Variants in ERBB3 observed in about 807,000 individuals in gnomAD.
ERBB3 encodes erb-b2 receptor tyrosine kinase 3.
In ERBB3, 96 loss-of-function variants were observed where a neutral mutation model predicts 156.7. The observed-to-expected ratio is 0.61, with a 90% CI of 0.52 to 0.73. ERBB3 has a LOEUF of 0.73. Among genes scored for constraint, ERBB3 ranks in the 30% least tolerant of loss-of-function variants. The pLI is 0.00. For missense variants in ERBB3, 1,406 were observed against 1,709.4 expected, an observed-to-expected ratio of 0.82 and a Z score of 3.13; for synonymous variants, 567 against 632.0, an observed-to-expected ratio of 0.90 and a Z score of 1.54.
intron 3 of ERBB3, among the ~76,000 whole-genome samples, chr12:56,086,248 T>C (rs1484237886): frequency 6.6e-6 from 1 of 152,106 alleles, no homozygotes; most frequent in African/African-American, 2.4e-5. Context: ...TGGGCAGGGC[T>C]TGGGGGAGGG....
At chr12:56,094,299 G>T in intron 14 of ERBB3, 103 bp from the exon 15 acceptor site, 2 of 1,485,454 alleles carry the variant, frequency 1.3e-6, no homozygotes, top group East Asian at 4.5e-5. Flanking sequence ...ATAATGCTAG[G>T]GCCTGCAGAT....
chr12:56,097,906 C>G lies in ERBB3; in HGVS notation c.2582C>G (p.Pro861Arg), dbSNP rs2136820278. 6.2e-7 allele frequency: 1 copy of G among 1,613,724 alleles called. No individual in the cohort carries two copies. ...TTTGGTGTGGCTGACCTGCTGCCTCCTGATGATAAGCAGCTGCTATACAGT... is the reference window on the plus strand; with the variant it reads ...TTTGGTGTGGCTGACCTGCTGCCTCGTGATGATAAGCAGCTGCTATACAGT... ...ADFGVADLLP[P>R]DDKQLLYSEA... The change falls in exon 21 of 28, where the codon CCT becomes CGT. Residue 861 changes from proline to arginine, a missense_variant. Physicochemically the swap from Pro to Arg is moderately radical, Grantham distance 103 (BLOSUM62 -2). Around this residue, in one of 3 missense-constraint regions of ERBB3, gnomAD observed 979 missense variants for 1,219.6 expected, o/e 0.80. Transcript: ENST00000267101.
chr12:56,102,414 T>C lies in ERBB3; in HGVS notation c.*359T>C. 3.4e-6 allele frequency: 1 copy of C among 291,446 alleles called. No individual in the cohort carries two copies. The highest frequency in any genetic ancestry group is 5.3e-5 in the East Asian group (1 of 18,944). The allele number at this position is 291,446 out of a possible 1,614,324, so 18.1% of individuals were successfully genotyped here. A position where few individuals can be genotyped will look rare whatever the true frequency, so the allele number is the denominator to read the frequency against. On this transcript the variant is annotated 3_prime_UTR_variant, in exon 28 of 28. Coordinates refer to ENST00000267101, the MANE Select transcript of ERBB3 (RefSeq NM_001982.4). ...TGGAACTAGGCTCTTATGTGTGCCT[T>C]TGTTTCCCATCAGACTGTCAAGAAG...
Position 56,097,778 on chromosome 12 carries a change from C to T in ERBB3, c.2461-7C>T. On this transcript the variant is annotated splice_polypyrimidine_tract_variant and splice_region_variant and intron_variant, in intron 20 of 27. Coordinates refer to ENST00000267101, the MANE Select transcript of ERBB3 (RefSeq NM_001982.4). The stretch of plus-strand genomic sequence containing the variant: ...CTTAAGAATACTTTCTTCCCCTATA[C>T]CTACAGGGAATGTACTACCTTGAGG... 1 of 1,612,962 alleles carries T rather than the reference C, an allele frequency of 6.2e-7. No individual in the cohort carries two copies. Among genetic ancestry groups the T allele is most frequent in the Non-Finnish European group, 8.5e-7 (1 of 1,179,142 alleles).
At chr12:56,091,968 T>C (rs909157672) in intron 9 of ERBB3, among the ~76,000 whole-genome samples, 44 of 151,988 alleles carry the variant, frequency 2.9e-4, no homozygotes, top group African/African-American at 1.0e-3. Flanking sequence ...TCTCAGCCCT[T>C]TGGGAGCCAG....
Position 56,099,668 on chromosome 12 carries a change from A to G in ERBB3, c.2860A>G (p.Ile954Val). ...MVKCWMIDEN[I>V]RPTFKELANE... ...TCCAGGTTGGATGATTGATGAGAAC[A>G]TTCGCCCAACCTTTAAAGAACTAGC... The change falls in exon 24 of 28, where the codon ATT becomes GTT. Residue 954 changes from isoleucine to valine, a missense_variant. Coordinates refer to ENST00000267101, the MANE Select transcript of ERBB3 (RefSeq NM_001982.4). 1 of 1,614,126 alleles carries G rather than the reference A, an allele frequency of 6.2e-7. No homozygotes were observed. The highest frequency in any genetic ancestry group is 8.5e-7 in the Non-Finnish European group (1 of 1,180,000).
chr12:56,100,014 T>G lies in ERBB3; in HGVS notation c.3114T>G (p.Leu1038=). 1 of 1,614,224 alleles carries G rather than the reference T, an allele frequency of 6.2e-7. No homozygotes were observed. Among genetic ancestry groups the G allele is most frequent in the East Asian group, 2.2e-5 (1 of 44,888 alleles). ...CCCTCAGCCTACCAGTTGGAACACT[T>G]AATCGGCCACGTGGGGTAAGACAAC... The part of the protein sequence containing the change: ...GSALSLPVGT[L]NRPRGSQSLL... The change falls in exon 25 of 28, where the codon CTT becomes CTG. Residue 1038 remains leucine, a synonymous_variant. Coordinates refer to ENST00000267101, the MANE Select transcript of ERBB3 (RefSeq NM_001982.4).
rs761478277 is a variant in ERBB3 at position 56,094,499 on chromosome 12, A to G, written c.1802A>G (p.Tyr601Cys). The G allele has an allele frequency of 3.0e-5, 49 of 1,614,000 alleles. No individual in the cohort carries two copies. The highest frequency in any genetic ancestry group is 9.3e-5 in the African/African-American group (7 of 74,884). ...HGVLGAKGPI[Y>C]KYPDVQNECR... ...GTCCTAGGTGCCAAGGGCCCAATCT[A>G]CAAGTACCCAGATGTTCAGAATGAA... The change falls in exon 15 of 28, where the codon TAC becomes TGC. Residue 601 changes from tyrosine (Y) to cysteine (C), a missense_variant. Physicochemically the swap from Tyr to Cys is radical, Grantham distance 194. This residue lies in a region of ERBB3 where 979 missense variants were observed against 1,219.6 expected (regional missense o/e 0.80). Coordinates refer to ENST00000267101, the MANE Select transcript of ERBB3 (RefSeq NM_001982.4).
In ERBB3 at chr12:56,088,815, G is replaced by T; in HGVS notation, c.1056G>T (p.Val352=). The T allele has an allele frequency of 6.2e-7, 1 of 1,614,114 alleles. No individual in the cohort carries two copies. The highest frequency in any genetic ancestry group is 1.1e-5 in the South Asian group (1 of 91,058). ...TVDSSNIDGF[V]NCTKILGNLD... ...ACTCGAGCAACATTGATGGATTTGT[G>T]AACTGCACCAAGATCCTGGGCAACC... Residue 352 remains valine, a synonymous_variant, in exon 9 of 28, where the codon GTG becomes GTT. Transcript: ENST00000267101.
Position 56,087,786 on chromosome 12 carries a change from C to T in ERBB3, c.614-9C>T, listed in dbSNP as rs1184521790. 6.2e-6 allele frequency: 10 copies of T among 1,611,768 alleles called. No individual in the cohort carries two copies. Among genetic ancestry groups the T allele is most frequent in the Non-Finnish European group, 8.5e-6 (10 of 1,178,002 alleles). On this transcript the variant is annotated splice_polypyrimidine_tract_variant and intron_variant, in intron 5 of 27. Coordinates refer to ENST00000267101, the MANE Select transcript of ERBB3 (RefSeq NM_001982.4). ...AGCCCTAACAGCCATGCTTTCTCTC[C>T]TTCCATAGTGACCAAGACCATCTGT... is the stretch of plus-strand genomic sequence containing the variant.
At chr12:56,099,793 T>C (rs1869026080) in intron 24 of ERBB3, 45 bp from the exon 25 acceptor site, 11 of 1,611,958 alleles carry the variant, frequency 6.8e-6, no homozygotes, top group South Asian at 1.1e-5. Flanking sequence ...AAAGGAGGAG[T>C]TGGCTGGAAC....
At chr12:56,097,521 T>C (rs1271507399) in intron 20 of ERBB3, among the ~76,000 whole-genome samples, 1 of 152,176 alleles carries the variant, frequency 6.6e-6, no homozygotes, top group East Asian at 1.9e-4. Flanking sequence ...TTGACTTCTA[T>C]TGTGAACTGT....
chr12:56,085,761 CAAAAAAAAAAAAAA>C (rs57274370), intron 3 of ERBB3: 2 of 95,458 alleles, frequency 2.1e-5, no homozygotes, highest in Admixed American at 9.9e-5. Flanking sequence ...GACTCCGTCT[CAAAAAAAAAAAAAA>C]AAAAAAAAAA....
Position 56,095,665 on chromosome 12 carries a change from CA to C in ERBB3, c.1918del (p.Thr640ProfsTer3). On this transcript the variant is annotated frameshift_variant and splice_region_variant, in exon 17 of 28. Transcript: ENST00000267101. LOFTEE classifies it high-confidence loss of function. ...CLGQTLVLIGKTHLTMALTVI... is the reference protein window; with the variant it reads ...CLGQTLVLIGXTHLTMALTVI... ...TGTTGGGTTTCTATATATCCCATAG[CA>C]AAACCCATCTGACAATGGCTTTGAC... 6.2e-7 allele frequency: 1 copy of C among 1,614,112 alleles called. No homozygotes were observed. Among genetic ancestry groups the C allele is most frequent in the Non-Finnish European group, 8.5e-7 (1 of 1,179,978 alleles).
rs2136825421 is a variant in ERBB3 at position 56,099,853 on chromosome 12, G to A, written c.2953G>A (p.Gly985Arg). 6.2e-7 allele frequency: 1 copy of A among 1,614,158 alleles called. No individual in the cohort carries two copies. The highest frequency in any genetic ancestry group is 1.1e-5 in the South Asian group (1 of 91,082). ...YLVIKRESGP[G>R]IAPGPEPHGL... ...ATCGATATAGAGAGAGAGTGGGCCTGGAATAGCCCCTGGGCCAGAGCCCCA... is the reference window on the plus strand; with the variant it reads ...ATCGATATAGAGAGAGAGTGGGCCTAGAATAGCCCCTGGGCCAGAGCCCCA... The change falls in exon 25 of 28, where the codon GGA (glycine) becomes AGA (arginine). Residue 985 changes from glycine (G) to arginine (R), a missense_variant. By Grantham distance (125) the Gly-to-Arg change is moderately radical. Coordinates refer to ENST00000267101, the MANE Select transcript of ERBB3 (RefSeq NM_001982.4).
intron 23 of ERBB3, 30 bp downstream of exon 23, chr12:56,098,935 CTCTT>C (rs1455735411): frequency 1.3e-6 from 2 of 1,556,954 alleles, no homozygotes; most frequent in African/African-American, 1.4e-5. Context: ...CAACCATTTT[CTCTT>C]TTTTTCTTTT....
In ERBB3 at chr12:56,098,843, A is replaced by C; in HGVS notation, c.2777A>C (p.Lys926Thr). 6.2e-7 allele frequency: 1 copy of C among 1,614,024 alleles called. No homozygotes were observed. Among genetic ancestry groups the C allele is most frequent in the East Asian group, 2.2e-5 (1 of 44,882 alleles). Residue 926 changes from lysine (K) to threonine (T), a missense_variant, in exon 23 of 28, where the codon AAG becomes ACG. This residue lies in a region of ERBB3 where 979 missense variants were observed against 1,219.6 expected (regional missense o/e 0.80). Transcript: ENST00000267101. Reference protein sequence around the residue: ...RLAEVPDLLEKGERLAQPQIC... With the variant: ...RLAEVPDLLETGERLAQPQIC... ...GCTGAAGTACCAGACCTGCTAGAGAAGGGGGAGCGGTTGGCACAGCCCCAG... is the reference window on the plus strand; with the variant it reads ...GCTGAAGTACCAGACCTGCTAGAGACGGGGGAGCGGTTGGCACAGCCCCAG...
chr12:56,080,122 C>A, upstream of ERBB3: 1 of 652,446 alleles, frequency 1.5e-6, no homozygotes, highest in Non-Finnish European at 2.8e-6. Flanking sequence ...ACACACACCC[C>A]TCCCCTGCCA....
At chr12:56,085,452 A>G (rs1868446857) in intron 3 of ERBB3, 4 of 1,403,512 alleles carry the variant, frequency 2.8e-6, no homozygotes, top group Admixed American at 3.0e-5. Flanking sequence ...TTCAAAGTAC[A>G]GTGTACCGGA....
Sources: gnomAD v4.1 joint callset for allele counts (sites outside exome capture counted in the v4.1 genomes callset) on GRCh38, gnomAD v4.1.1 for gene constraint, gnomAD v4.1.1 regional missense constraint, MANE v1.5 for transcripts, NCBI Gene and HGNC (gene_info 2026-07-23, HGNC 2026-07-21) for gene names.